Variants in NKAIN3 observed in about 807,000 individuals in gnomAD.
NKAIN3 encodes sodium/potassium transporting ATPase interacting 3.
NKAIN3 carries 25 observed loss-of-function variants against 30.2 expected under a neutral mutation model. That is an observed-to-expected ratio of 0.83 (90% CI 0.60 to 1.16). The LOEUF (loss-of-function observed/expected upper bound fraction) is 1.16, where lower values mean the gene tolerates loss of function less well. NKAIN3 is among the 50% of genes most tolerant of loss of function. The probability of loss-of-function intolerance (pLI) is 0.00; values close to 1 mark genes in which losing one functional copy is unlikely to be tolerated. For synonymous variants in NKAIN3, 91 were observed against 89.6 expected (o/e 1.02, Z -0.09); for missense variants, 225 against 254.1 (o/e 0.89, Z 0.78).
Position 62,973,645 on chromosome 8 carries a change from C to T in NKAIN3, c.*8238C>T, listed in dbSNP as rs576606133. On this transcript the variant is annotated 3_prime_UTR_variant, in exon 7 of 7. Coordinates refer to ENST00000623646, the MANE Select transcript of NKAIN3 (RefSeq NM_001304533.3). ...TTCACTCTGATAATAGTTTCTTTTG[C>T]TGCACAGAAGCTCCTTAGTTTAATT... 2.0e-5 allele frequency among the ~76,000 whole-genome samples: 3 copies of T among 152,240 alleles called. No individual in the cohort carries two copies. Among genetic ancestry groups the T allele is most frequent in the South Asian group, 4.1e-4 (2 of 4,824 alleles).
intron 1 of NKAIN3, among the ~76,000 whole-genome samples, chr8:62,467,063 T>A (rs539586486): frequency 1.8e-4 from 28 of 152,284 alleles, no homozygotes; most frequent in Non-Finnish European, 3.1e-4. Flanking sequence ...TCACTTCTTT[T>A]CCTGCTCTCC....
chr8:62,366,928 T>A (rs1347613708), intron 1 of NKAIN3, among the ~76,000 whole-genome samples: 1 of 152,182 alleles, frequency 6.6e-6, no homozygotes, highest in Admixed American at 6.6e-5. Flanking sequence ...TTTTGATTTT[T>A]CTTTCAATTT....
In NKAIN3 at chr8:62,925,086, C is replaced by T. The variant is rs141697363; in HGVS notation, c.532+6573C>T. Among the ~76,000 whole-genome samples, 80 of 152,290 alleles carry T rather than the reference C, an allele frequency of 5.3e-4. 1 individual carries two copies. The East Asian group carries it at 0.015, about 29-fold the overall frequency. On this transcript the variant is annotated intron_variant, in intron 5 of 6. Transcript: ENST00000623646. ...AAACTCCTACATGTTCTTTAACATT[C>T]TTCTCACAAACACCCTCTTCTCCAT...
chr8:62,322,145 T>G (rs2129589499), intron 1 of NKAIN3, among the ~76,000 whole-genome samples: 1 of 152,332 alleles, frequency 6.6e-6, no homozygotes, highest in Admixed American at 6.5e-5. Context: ...GGTTATCATC[T>G]CCTGGTATGC....
chr8:62,395,093 T>A, intron 1 of NKAIN3, among the ~76,000 whole-genome samples: 1 of 129,728 alleles, frequency 7.7e-6, no homozygotes, highest in South Asian at 2.7e-4. Context: ...TCATCACTTC[T>A]CAGATGATGG....
intron 4 of NKAIN3, among the ~76,000 whole-genome samples, chr8:62,875,707 A>T (rs1820776066): frequency 6.6e-6 from 1 of 152,194 alleles, no homozygotes; most frequent in Non-Finnish European, 1.5e-5. Context: ...CAAACTTGAC[A>T]AAAACAAGCA....
At chr8:62,940,990 A>G (rs1822940911) in intron 5 of NKAIN3, among the ~76,000 whole-genome samples, 1 of 152,100 alleles carries the variant, frequency 6.6e-6, no homozygotes, top group Non-Finnish European at 1.5e-5. Flanking sequence ...TGAAAGATAA[A>G]TAAGATTGAT....
intron 3 of NKAIN3, among the ~76,000 whole-genome samples, chr8:62,676,246 C>T (rs1813471282): frequency 6.6e-6 from 1 of 152,196 alleles, no homozygotes; most frequent in Admixed American, 6.5e-5. Flanking sequence ...AAGAACACAC[C>T]TGTTAGCTTA....
chr8:62,598,841 CAGCTGAGAT>C (rs1346098403), intron 3 of NKAIN3, among the ~76,000 whole-genome samples: 1 of 152,000 alleles, frequency 6.6e-6, no homozygotes, highest in Non-Finnish European at 1.5e-5. Context: ...CAGAAAGGCA[CAGCTGAGAT>C]GCAAACAGGA....
downstream of NKAIN3, among the ~76,000 whole-genome samples, chr8:62,988,515 A>T (rs1158237836): frequency 6.6e-6 from 1 of 152,234 alleles, no homozygotes; most frequent in Non-Finnish European, 1.5e-5. Flanking sequence ...TCAACACCAC[A>T]TGGAAGCTGC....
chr8:62,414,960 T>C (rs1398349846), intron 1 of NKAIN3, among the ~76,000 whole-genome samples: 2 of 150,320 alleles, frequency 1.3e-5, no homozygotes, highest in South Asian at 2.1e-4. Flanking sequence ...TCATGTATTT[T>C]GAGTTGAATC....
intron 3 of NKAIN3, among the ~76,000 whole-genome samples, chr8:62,644,877 C>G (rs1368670090): frequency 2.0e-5 from 3 of 152,146 alleles, no homozygotes; most frequent in Non-Finnish European, 4.4e-5. Flanking sequence ...GTGCAGTTGT[C>G]TGCATTCTAC....
chr8:62,550,196 G>C (rs976293404), intron 1 of NKAIN3, among the ~76,000 whole-genome samples: 1 of 152,010 alleles, frequency 6.6e-6, no homozygotes, highest in Non-Finnish European at 1.5e-5. Flanking sequence ...CCTTTAAAAG[G>C]TGTTTACCTT....
chr8:62,651,839 C>G (rs925090206), intron 3 of NKAIN3, among the ~76,000 whole-genome samples: 14 of 152,084 alleles, frequency 9.2e-5, no homozygotes, highest in Non-Finnish European at 2.1e-4. Context: ...CCTCCCTCCT[C>G]CCTTGCTCCC....
In NKAIN3 at chr8:62,410,490, G is replaced by C. The variant is rs1021813698; in HGVS notation, c.54+161363G>C. ...GTATATACCCAGTAATGGGATTGCTGGGTTAAGCTCTAAAATTATAGAACT... is the reference window on the plus strand; with the variant it reads ...GTATATACCCAGTAATGGGATTGCTCGGTTAAGCTCTAAAATTATAGAACT... On this transcript the variant is annotated intron_variant, in intron 1 of 6. Transcript: ENST00000623646. 3.3e-5 allele frequency among the ~76,000 whole-genome samples: 5 copies of C among 152,024 alleles called. No individual in the cohort carries two copies. The South Asian group carries it at 6.2e-4, about 19-fold the overall frequency.
At chr8:62,932,675 T>A (rs1822656451) in intron 5 of NKAIN3, among the ~76,000 whole-genome samples, 1 of 152,168 alleles carries the variant, frequency 6.6e-6, no homozygotes, top group African/African-American at 2.4e-5. Context: ...GGACCTTGGA[T>A]TCCATTTTAC....
At chr8:62,577,467 T>G (rs1180254657) in intron 1 of NKAIN3, among the ~76,000 whole-genome samples, 23 of 39,310 alleles carry the variant, frequency 5.9e-4, no homozygotes, top group Admixed American at 2.0e-3. Flanking sequence ...TTTTTTGTTG[T>G]TTTTTTTTTG....
intron 5 of NKAIN3, among the ~76,000 whole-genome samples, chr8:62,940,607 CA>C (rs1822924955): frequency 6.6e-6 from 1 of 151,866 alleles, no homozygotes; most frequent in African/African-American, 2.4e-5. Context: ...ATATCAATTG[CA>C]AAAGGAAACC....
At chr8:62,432,027 CCAAA>C (rs1805017701) in intron 1 of NKAIN3, among the ~76,000 whole-genome samples, 1 of 151,554 alleles carries the variant, frequency 6.6e-6, no homozygotes, top group African/African-American at 2.4e-5. Context: ...TAATGGAGAA[CCAAA>C]CAGTTGACTA....
Sources: allele counts gnomAD v4.1 joint callset (sites outside exome capture counted in the v4.1 genomes callset), GRCh38; gene constraint gnomAD v4.1.1; transcripts MANE v1.5; gene names NCBI Gene and HGNC (gene_info 2026-07-23, HGNC 2026-07-21).